Variants in SEMA5A observed in about 807,000 individuals in gnomAD.
SEMA5A encodes the protein semaphorin-5A.
In SEMA5A, 55 loss-of-function variants were observed where a neutral mutation model predicts 135.5. That is an observed-to-expected ratio of 0.41 (90% CI 0.33 to 0.51). The LOEUF (loss-of-function observed/expected upper bound fraction) is 0.51. Ranked by LOEUF, SEMA5A falls within the 20% of genes least tolerant of loss-of-function variation. The pLI is 0.37. For missense variants in SEMA5A, 1,290 were observed against 1,419.9 expected, an observed-to-expected ratio of 0.91 and a Z score of 1.47; for synonymous variants, 580 against 546.5, an observed-to-expected ratio of 1.06 and a Z score of -0.85.
At chr5:9,047,760 C>T (rs1174305900) in intron 21 of SEMA5A, among the ~76,000 whole-genome samples, 1 of 152,158 alleles carries the variant, frequency 6.6e-6, no homozygotes, top group Admixed American at 6.5e-5. Context: ...TGCCATTGTG[C>T]CAGTGCCAGC....
chr5:9,049,127 A>C (rs1344137638), intron 21 of SEMA5A, among the ~76,000 whole-genome samples: 1 of 151,560 alleles, frequency 6.6e-6, no homozygotes, highest in Non-Finnish European at 1.5e-5. Flanking sequence ...AGCAGACAGA[A>C]TGTCACAGAT....
At chr5:9,388,736 A>G (rs997520891) in intron 2 of SEMA5A, among the ~76,000 whole-genome samples, 2 of 152,020 alleles carry the variant, frequency 1.3e-5, no homozygotes, top group Admixed American at 6.5e-5. Context: ...CATCTCTACT[A>G]AAAATACAAA....
At chr5:9,076,764 G>A (rs1738082494) in intron 16 of SEMA5A, among the ~76,000 whole-genome samples, 1 of 151,990 alleles carries the variant, frequency 6.6e-6, no homozygotes, top group Non-Finnish European at 1.5e-5. Flanking sequence ...GCTTCATAAA[G>A]CATGCACCAT....
intron 13 of SEMA5A, among the ~76,000 whole-genome samples, chr5:9,129,122 A>G (rs1475538151): frequency 6.6e-6 from 1 of 152,246 alleles, no homozygotes; most frequent in Non-Finnish European, 1.5e-5. Flanking sequence ...GCAAAAGAGG[A>G]GCTCATAAGA....
chr5:9,350,550 G>A (rs1286111131), intron 3 of SEMA5A, among the ~76,000 whole-genome samples: 1 of 152,214 alleles, frequency 6.6e-6, no homozygotes, highest in Non-Finnish European at 1.5e-5. Context: ...TGGCCAGGCT[G>A]CATCTGGTTG....
chr5:9,485,999 T>C (rs1734697764), intron 1 of SEMA5A, among the ~76,000 whole-genome samples: 1 of 152,012 alleles, frequency 6.6e-6, no homozygotes, highest in African/African-American at 2.4e-5. Context: ...TTCAAAAATA[T>C]AAAACTCCTT....
chr5:9,230,011 G>C (rs566047281), intron 6 of SEMA5A, among the ~76,000 whole-genome samples: 2 of 152,194 alleles, frequency 1.3e-5, no homozygotes, highest in Non-Finnish European at 2.9e-5. Context: ...TTGAGACAAG[G>C]GTTCACTCTG....
chr5:9,427,006 G>A (rs1430118564), intron 2 of SEMA5A, among the ~76,000 whole-genome samples: 1 of 152,130 alleles, frequency 6.6e-6, no homozygotes, highest in African/African-American at 2.4e-5. Context: ...ACATAAAAGA[G>A]AAAGTTATTT....
intron 2 of SEMA5A, among the ~76,000 whole-genome samples, chr5:9,395,546 C>A (rs1277252931): frequency 1.3e-5 from 2 of 152,136 alleles, no homozygotes; most frequent in East Asian, 3.9e-4. Context: ...TTATCAGCTG[C>A]ATCAGATAAA....
chr5:9,035,478 A>G lies in SEMA5A; in HGVS notation c.*7419T>C, dbSNP rs1669921648. ...TGCTCCAACTTCCATAGTTGATCCA[A>G]TGCAGCAGGTAATGAGTTTCCAGTT... On this transcript the variant is annotated 3_prime_UTR_variant, in exon 23 of 23. Transcript: ENST00000382496. 6.6e-6 allele frequency: 1 copy of G among 152,104 alleles called. No individual in the cohort carries two copies. The highest frequency in any genetic ancestry group is 2.4e-5 in the African/African-American group (1 of 41,402). 9.4% of individuals were successfully genotyped at this position (152,104 alleles called of 1,614,324 possible).
At chr5:9,313,887 C>A (rs1752275354) in intron 5 of SEMA5A, among the ~76,000 whole-genome samples, 1 of 152,110 alleles carries the variant, frequency 6.6e-6, no homozygotes, top group African/African-American at 2.4e-5. Flanking sequence ...CATGACATGA[C>A]CAGACAAGGT....
At chr5:9,125,635 A>T (rs1270860057) in intron 13 of SEMA5A, among the ~76,000 whole-genome samples, 1 of 150,898 alleles carries the variant, frequency 6.6e-6, no homozygotes, top group Non-Finnish European at 1.5e-5. Context: ...GATACACTGG[A>T]TCCTACCCAA....
chr5:9,211,257 C>T (rs1020486360), intron 8 of SEMA5A, among the ~76,000 whole-genome samples: 1 of 56,644 alleles, frequency 1.8e-5, no homozygotes, highest in Non-Finnish European at 3.4e-5. Flanking sequence ...AGCATCTCCC[C>T]AGGTGCTTAT....
chr5:9,182,660 A>C (rs553334255), intron 11 of SEMA5A, among the ~76,000 whole-genome samples: 16 of 151,416 alleles, frequency 1.1e-4, no homozygotes, highest in Non-Finnish European at 4.4e-5. Flanking sequence ...GATGACTTCA[A>C]TAGCTTTGAC....
At chr5:9,282,944 G>A (rs1273203901) in intron 5 of SEMA5A, among the ~76,000 whole-genome samples, 1 of 152,148 alleles carries the variant, frequency 6.6e-6, no homozygotes. Context: ...GCTGGAAAAG[G>A]CAAGGAACCT....
At chr5:9,439,513 G>T (rs568743918) in intron 1 of SEMA5A, among the ~76,000 whole-genome samples, 10 of 152,264 alleles carry the variant, frequency 6.6e-5, no homozygotes, top group Non-Finnish European at 1.3e-4. Flanking sequence ...CCATGTCTCA[G>T]AACTACATTA....
At chr5:9,427,651 C>T (rs1320258970) in intron 2 of SEMA5A, among the ~76,000 whole-genome samples, 1 of 152,148 alleles carries the variant, frequency 6.6e-6, no homozygotes, top group East Asian at 1.9e-4. Flanking sequence ...ACAGTTATAG[C>T]TTCAGGGATG....
At chr5:9,519,764 A>T (rs1579675782) in intron 1 of SEMA5A, 1 of 152,218 alleles carries the variant, frequency 6.6e-6, no homozygotes, top group African/African-American at 2.4e-5. Context: ...GCTCAGACCA[A>T]CCCAGCCTGC....
chr5:9,318,846 T>C (rs1228108846), intron 4 of SEMA5A, among the ~76,000 whole-genome samples: 1 of 152,232 alleles, frequency 6.6e-6, no homozygotes, highest in Non-Finnish European at 1.5e-5. Context: ...CAAGCAATGC[T>C]CTGAGGTTCA....
Sources: allele counts gnomAD v4.1 joint callset (sites outside exome capture counted in the v4.1 genomes callset), GRCh38; gene constraint gnomAD v4.1.1; transcripts MANE v1.5; gene names NCBI Gene and HGNC (gene_info 2026-07-23, HGNC 2026-07-21).